Variants in AGAP1 observed in about 807,000 individuals in gnomAD.
The protein encoded by AGAP1 is ArfGAP with GTPase domain, ankyrin repeat and PH domain 1, also known as arf-GAP with GTPase, ANK repeat and PH domain-containing protein 1.
In AGAP1, 29 loss-of-function variants were observed where a neutral mutation model predicts 105.3. The ratio of observed to expected loss-of-function variants is 0.28; its 90% CI spans 0.21 to 0.38. The LOEUF (loss-of-function observed/expected upper bound fraction) is 0.38, where lower values mean the gene tolerates loss of function less well. AGAP1 is among the 10% of genes least tolerant of loss of function. The pLI, the probability that AGAP1 is intolerant of heterozygous loss-of-function variation, is 1.00. For missense variants in AGAP1, 998 were observed against 1,165.1 expected (o/e 0.86, Z 2.09); for synonymous variants, 509 against 485.9 (o/e 1.05, Z -0.63).
In AGAP1 at chr2:236,124,000, A is replaced by G; in HGVS notation, c.2452A>G (p.Ile818Val). 3.7e-6 allele frequency: 6 copies of G among 1,614,006 alleles called. No individual in the cohort carries two copies. Among genetic ancestry groups the G allele is most frequent in the South Asian group, 2.2e-5 (2 of 91,070 alleles). The change falls in exon 18 of 18, where the codon ATC (isoleucine) becomes GTC (valine). Residue 818 changes from isoleucine to valine, a missense_variant. Transcript: ENST00000304032. The surrounding 1 kb of genome is among the most constrained non-coding windows in gnomAD (Gnocchi z 4.6). Reference protein sequence around the residue: ...YARQASSQECIDVLLQYGCPD... With the variant: ...YARQASSQECVDVLLQYGCPD... ...CCGGCAGGCCTCCAGCCAGGAGTGC[A>G]TCGACGTGCTGCTGCAGTACGGCTG...
At chr2:236,075,738 A>G (rs999289258) in intron 16 of AGAP1, among the ~76,000 whole-genome samples, 2 of 152,208 alleles carry the variant, frequency 1.3e-5, no homozygotes, top group East Asian at 1.9e-4. Context: ...CGTCCCTGAC[A>G]GAGGTCTCAA....
chr2:236,043,796 G>T (rs2057633933), intron 15 of AGAP1, among the ~76,000 whole-genome samples: 1 of 152,058 alleles, frequency 6.6e-6, no homozygotes, highest in African/African-American at 2.4e-5. Context: ...AATGAAAAAG[G>T]GGTATGACAA....
At chr2:235,840,741 G>T (rs1363016783) in intron 9 of AGAP1, among the ~76,000 whole-genome samples, 1 of 150,906 alleles carries the variant, frequency 6.6e-6, no homozygotes, top group Middle Eastern at 3.4e-3. Flanking sequence ...AGGTTGATTC[G>T]ATGTGGAGGA....
chr2:235,577,277 C>T lies in AGAP1; in HGVS notation c.163+82428C>T, dbSNP rs1240598738. Reference sequence around the variant, plus strand: ...TTTGTGGACGAGGTTTGCTATAATCCTGTTTGGTACTGATGCTTTGGGTGG... The same window carrying T: ...TTTGTGGACGAGGTTTGCTATAATCTTGTTTGGTACTGATGCTTTGGGTGG... On this transcript the variant is annotated intron_variant, in intron 1 of 17. Transcript: ENST00000304032. The surrounding 1 kb of genome is among the most constrained non-coding windows in gnomAD (Gnocchi z 4.5). Among the ~76,000 whole-genome samples, 2 of 152,122 alleles carry T rather than the reference C, an allele frequency of 1.3e-5. No homozygotes were observed. Among genetic ancestry groups the T allele is most frequent in the African/African-American group, 4.8e-5 (2 of 41,402 alleles).
intron 13 of AGAP1, among the ~76,000 whole-genome samples, chr2:236,029,264 T>A (rs1559206681): frequency 1.3e-5 from 2 of 151,258 alleles, no homozygotes; most frequent in South Asian, 2.1e-4. Flanking sequence ...AGGATCTTCC[T>A]GAAATACATC....
intron 6 of AGAP1, among the ~76,000 whole-genome samples, chr2:235,759,660 G>A (rs1039404903): frequency 6.6e-6 from 1 of 152,178 alleles, no homozygotes; most frequent in Non-Finnish European, 1.5e-5. Flanking sequence ...GCCTTGGTGG[G>A]TTTGTGTGGG....
At position 235,599,301 on chromosome 2, in the gene AGAP1, T is replaced by A. The variant is rs945167597; in HGVS notation, c.163+104452T>A. Among the ~76,000 whole-genome samples the A allele has an allele frequency of 4.6e-5, 7 of 151,424 alleles. No individual in the cohort carries two copies. Among genetic ancestry groups the A allele is most frequent in the Non-Finnish European group, 1.0e-4 (7 of 67,886 alleles). The stretch of plus-strand genomic sequence containing the variant: ...ACGTTTACACTGTGTGTTGGGGGGG[T>A]GGCAGTGTGCTTTCTTCCTGCCCCA... On this transcript the variant is annotated intron_variant, in intron 1 of 17. Transcript: ENST00000304032. The surrounding 1 kb of genome is among the most constrained non-coding windows in gnomAD (Gnocchi z 5.3).
At chr2:235,589,186 ATTGTT>A (rs1158938187) in intron 1 of AGAP1, among the ~76,000 whole-genome samples, 721 of 35,042 alleles carry the variant, frequency 0.021, 83 homozygotes, top group African/African-American at 0.066. Flanking sequence ...TTAATAGCTT[ATTGTT>A]TTGTTTTTTT....
In AGAP1 at chr2:235,582,146, C is replaced by A. The variant is rs1009826081; in HGVS notation, c.163+87297C>A. On this transcript the variant is annotated intron_variant, in intron 1 of 17. Coordinates refer to ENST00000304032, the MANE Select transcript of AGAP1 (RefSeq NM_001037131.3). The surrounding 1 kb of genome is among the most constrained non-coding windows in gnomAD (Gnocchi z 4.7). ...CTGCTCTATACGAGGAGCAGAGACC[C>A]CTGGATCCTAGTGGTGGCCCCTGGT... 6.6e-6 allele frequency among the ~76,000 whole-genome samples: 1 copy of A among 152,116 alleles called. No homozygotes were observed. Among genetic ancestry groups the A allele is most frequent in the Non-Finnish European group, 1.5e-5 (1 of 68,012 alleles).
intron 1 of AGAP1, among the ~76,000 whole-genome samples, chr2:235,576,599 T>G (rs568109059): frequency 1.2e-4 from 19 of 152,348 alleles, no homozygotes; most frequent in South Asian, 1.2e-3. Context: ...GTGGTCGTGC[T>G]GTGCCCTAAA....
Position 235,633,260 on chromosome 2 carries a change from T to A in AGAP1, c.164-75919T>A, listed in dbSNP as rs1179869918. 6.6e-6 allele frequency among the ~76,000 whole-genome samples: 1 copy of A among 152,092 alleles called. No homozygotes were observed. Reference sequence around the variant, plus strand: ...AGGTCGTCTGTGTGCCTTGGTTCCATGACTTGGGGGCAGCCAAGTAGAAGT... The same window carrying A: ...AGGTCGTCTGTGTGCCTTGGTTCCAAGACTTGGGGGCAGCCAAGTAGAAGT... On this transcript the variant is annotated intron_variant, in intron 1 of 17. Transcript: ENST00000304032. The surrounding 1 kb of genome is among the most constrained non-coding windows in gnomAD (Gnocchi z 4.8).
rs1338168267 is a variant in AGAP1, at chr2:235,787,356, C to T, written c.674-10403C>T. On this transcript the variant is annotated intron_variant, in intron 6 of 17. Coordinates refer to ENST00000304032, the MANE Select transcript of AGAP1 (RefSeq NM_001037131.3). The surrounding 1 kb of genome is among the most constrained non-coding windows in gnomAD (Gnocchi z 4.4). ...CCTGCTTTAAGTGCCTCTTCTATGT[C>T]TGTGCAACATTCATTAATTTCTCAG... is the stretch of plus-strand genomic sequence containing the variant. Among the ~76,000 whole-genome samples, 2 of 152,216 alleles carry T rather than the reference C, an allele frequency of 1.3e-5. No individual in the cohort carries two copies. Among genetic ancestry groups the T allele is most frequent in the Non-Finnish European group, 2.9e-5 (2 of 68,042 alleles).
chr2:235,637,165 G>A (rs925715329), intron 1 of AGAP1, among the ~76,000 whole-genome samples: 3 of 152,296 alleles, frequency 2.0e-5, no homozygotes, highest in Middle Eastern at 3.4e-3. Context: ...CATCTTGTAC[G>A]AGGCAGGTGC....
rs1048384350 is a variant in AGAP1 at position 235,608,439 on chromosome 2, A to C, written c.164-100740A>C. The stretch of plus-strand genomic sequence containing the variant: ...TCAGGAGGTGGAGCCGCCCCAGGCC[A>C]TGGAGACCTGGAGATGCTCAGGGAA... On this transcript the variant is annotated intron_variant, in intron 1 of 17. Transcript: ENST00000304032. This position sits in a 1 kb window ranked among gnomAD's most constrained non-coding sequence, Gnocchi z 5.4. 1.3e-5 allele frequency among the ~76,000 whole-genome samples: 2 copies of C among 152,184 alleles called. No homozygotes were observed. The highest frequency in any genetic ancestry group is 1.3e-4 in the Admixed American group (2 of 15,276).
intron 2 of AGAP1, among the ~76,000 whole-genome samples, chr2:235,717,320 C>G (rs1325242345): frequency 6.6e-6 from 1 of 152,194 alleles, no homozygotes. Context: ...GTGTTTATAC[C>G]AGCATTGCTG....
chr2:235,909,720 C>T (rs1291974641), intron 11 of AGAP1, among the ~76,000 whole-genome samples: 2 of 152,168 alleles, frequency 1.3e-5, no homozygotes, highest in Non-Finnish European at 2.9e-5. Context: ...TACATCCAGT[C>T]TTCTTAAAAC....
At chr2:235,758,111 A>G (rs1156561433) in intron 6 of AGAP1, among the ~76,000 whole-genome samples, 1 of 151,774 alleles carries the variant, frequency 6.6e-6, no homozygotes, top group African/African-American at 2.4e-5. Flanking sequence ...TTTATTACAG[A>G]TTAGATTGGA....
intron 16 of AGAP1, among the ~76,000 whole-genome samples, chr2:236,059,289 T>G (rs1163039034): frequency 6.6e-6 from 1 of 152,180 alleles, no homozygotes; most frequent in Admixed American, 6.5e-5. Context: ...AAATTACCTG[T>G]ACACTGAAAA....
Position 235,908,293 on chromosome 2 carries a change from A to G in AGAP1, c.1156-445A>G, listed in dbSNP as rs533933843. Reference sequence around the variant, plus strand: ...TCCAGTTTTCACCTGATTTTTCACCAGAGAGCTTCAGTCTTATCTAGATTT... The same window carrying G: ...TCCAGTTTTCACCTGATTTTTCACCGGAGAGCTTCAGTCTTATCTAGATTT... On this transcript the variant is annotated intron_variant, in intron 10 of 17. Transcript: ENST00000304032. This position sits in a 1 kb window ranked among gnomAD's most constrained non-coding sequence, Gnocchi z 4.4. 1.3e-5 allele frequency among the ~76,000 whole-genome samples: 2 copies of G among 152,344 alleles called. No homozygotes were observed. The highest frequency in any genetic ancestry group is 1.9e-4 in the East Asian group (1 of 5,194).
Sources: gnomAD v4.1 joint callset for allele counts (sites outside exome capture counted in the v4.1 genomes callset) on GRCh38, gnomAD v4.1.1 for gene constraint, Gnocchi (gnomAD v3.1) non-coding constraint, MANE v1.5 for transcripts, NCBI Gene and HGNC (gene_info 2026-07-23, HGNC 2026-07-21) for gene names.